The following SAMD5 variants were observed in gnomAD, a reference collection of about 807,000 sequenced individuals.
The protein encoded by SAMD5 is sterile alpha motif domain-containing protein 5.
Under a neutral mutation model 11.3 loss-of-function variants are expected in SAMD5, and 13 were observed. The ratio of observed to expected loss-of-function variants is 1.15; its 90% CI spans 0.75 to 1.83. The LOEUF (loss-of-function observed/expected upper bound fraction) is 1.83, where lower values mean the gene tolerates loss of function less well. SAMD5 is among the 40% of genes most tolerant of loss of function. SAMD5 has a pLI of 0.00. For synonymous variants in SAMD5, 129 were observed against 111.3 expected (o/e 1.16, Z -1.00); for missense variants, 255 against 239.1 (o/e 1.07, Z -0.44).
chr6:147,908,731 G>C, the SAMD5 span, among the ~76,000 whole-genome samples: 1 of 152,200 alleles, frequency 6.6e-6, no homozygotes, highest in South Asian at 2.1e-4. Context: ...TTTTAGGAAA[G>C]AGATCGTTGT....
At chr6:147,860,378 T>C in the SAMD5 span, among the ~76,000 whole-genome samples, 227 of 152,136 alleles carry the variant, frequency 1.5e-3, no homozygotes, top group Non-Finnish European at 1.9e-3. Flanking sequence ...CAGGTGGGAG[T>C]GGTGGTTAGG....
chr6:147,623,533 A>C (rs1790003424), intron 1 of SAMD5, among the ~76,000 whole-genome samples: 1 of 152,228 alleles, frequency 6.6e-6, no homozygotes, highest in Non-Finnish European at 1.5e-5. Context: ...TAGACTGAGT[A>C]ATCTGATATT....
chr6:147,921,655 C>A, the SAMD5 span, among the ~76,000 whole-genome samples: 1 of 152,138 alleles, frequency 6.6e-6, no homozygotes, highest in Non-Finnish European at 1.5e-5. Flanking sequence ...TTATCCCAAA[C>A]CTCCGTGCAT....
At chr6:147,516,213 G>C (rs1788168296) in intron 1 of SAMD5, among the ~76,000 whole-genome samples, 1 of 152,204 alleles carries the variant, frequency 6.6e-6, no homozygotes, top group South Asian at 2.1e-4. Flanking sequence ...CTGTCCTCAA[G>C]AGCAATGTGC....
the SAMD5 span, among the ~76,000 whole-genome samples, chr6:147,823,601 A>G: frequency 1.3e-5 from 2 of 152,196 alleles, no homozygotes; most frequent in Non-Finnish European, 2.9e-5. Context: ...CATTCTGCAC[A>G]TGTATCCTGG....
chr6:147,886,978 G>T, the SAMD5 span, among the ~76,000 whole-genome samples: 1 of 152,176 alleles, frequency 6.6e-6, no homozygotes, highest in Non-Finnish European at 1.5e-5. Flanking sequence ...CTGACATCTT[G>T]ATTGCAGCTA....
At chr6:147,841,718 A>T in the SAMD5 span, among the ~76,000 whole-genome samples, 1 of 150,500 alleles carries the variant, frequency 6.6e-6, no homozygotes, top group Admixed American at 6.6e-5. Context: ...ATGTCACACT[A>T]GTTAAGAGAG....
chr6:147,842,222 G>A, the SAMD5 span, among the ~76,000 whole-genome samples: 2 of 152,010 alleles, frequency 1.3e-5, no homozygotes, highest in Non-Finnish European at 2.9e-5. Context: ...CAGTGGTCTG[G>A]TTAAAGTTGT....
At chr6:147,768,990 C>T in the SAMD5 span, among the ~76,000 whole-genome samples, 1 of 152,154 alleles carries the variant, frequency 6.6e-6, no homozygotes, top group African/African-American at 2.4e-5. Context: ...GATGGGGTTT[C>T]ACCATTTTGC....
At chr6:147,623,086 C>A (rs1393572880) in intron 1 of SAMD5, among the ~76,000 whole-genome samples, 1 of 152,146 alleles carries the variant, frequency 6.6e-6, no homozygotes, top group Non-Finnish European at 1.5e-5. Flanking sequence ...GGGACACAGC[C>A]CAACCATATC....
the SAMD5 span, among the ~76,000 whole-genome samples, chr6:147,847,066 A>G: frequency 6.6e-6 from 1 of 152,182 alleles, no homozygotes; most frequent in East Asian, 1.9e-4. Context: ...CTAACCACAT[A>G]CAAACAAGCC....
chr6:147,672,879 A>G (rs2128455655), intron 1 of SAMD5, among the ~76,000 whole-genome samples: 1 of 152,230 alleles, frequency 6.6e-6, no homozygotes, highest in African/African-American at 2.4e-5. Context: ...TTTATTTTAA[A>G]CCAAAAGCCA....
chr6:147,919,796 T>C, the SAMD5 span, among the ~76,000 whole-genome samples: 1 of 152,266 alleles, frequency 6.6e-6, no homozygotes, highest in East Asian at 1.9e-4. Context: ...CATAAAACTT[T>C]ATAGCTGGAG....
the SAMD5 span, among the ~76,000 whole-genome samples, chr6:147,857,439 C>T: frequency 2.1e-3 from 318 of 151,634 alleles, 8 homozygotes; most frequent in African/African-American, 7.0e-3. Flanking sequence ...CTCAGGATGT[C>T]GAGACTGCAG....
chr6:147,856,825 G>GT, the SAMD5 span, among the ~76,000 whole-genome samples: 3 of 79,096 alleles, frequency 3.8e-5, no homozygotes, highest in Non-Finnish European at 7.5e-5. Context: ...GGGGCGCGGG[G>GT]GGGGGGGGAA....
At chr6:147,703,076 T>C (rs9497846) in intron 1 of SAMD5, among the ~76,000 whole-genome samples, 12,526 of 152,190 alleles carry the variant, frequency 0.082, 564 homozygotes, top group Middle Eastern at 0.13. Flanking sequence ...TTTGTTTTGT[T>C]TTGTTTTTTG....
the SAMD5 span, among the ~76,000 whole-genome samples, chr6:147,783,394 G>A: frequency 2.2e-4 from 33 of 148,338 alleles, no homozygotes; most frequent in Non-Finnish European, 3.7e-4. Flanking sequence ...TTTTTTTTGC[G>A]GGGGGTCGGG....
At chr6:147,935,180 G>C in the SAMD5 span, among the ~76,000 whole-genome samples, 2 of 152,162 alleles carry the variant, frequency 1.3e-5, no homozygotes, top group Non-Finnish European at 1.5e-5. Flanking sequence ...TTGTCATCCA[G>C]GTATCGGCAG....
chr6:147,529,147 G>A (rs1221817123), intron 1 of SAMD5, among the ~76,000 whole-genome samples: 3 of 152,198 alleles, frequency 2.0e-5, no homozygotes, highest in Admixed American at 2.0e-4. Context: ...TGTATTCAGT[G>A]TTAGCTTTTA....
Sources: gnomAD v4.1 joint callset for allele counts (sites outside exome capture counted in the v4.1 genomes callset) on GRCh38, gnomAD v4.1.1 for gene constraint, MANE v1.5 for transcripts, NCBI Gene and HGNC (gene_info 2026-07-23, HGNC 2026-07-21) for gene names.